Variants in WASF3 observed in about 807,000 individuals in gnomAD.
WASF3 encodes actin-binding protein WASF3.
WASF3 carries 11 observed loss-of-function variants against 46.6 expected under a neutral mutation model. The ratio of observed to expected loss-of-function variants is 0.24; its 90% CI spans 0.15 to 0.39. WASF3 has a LOEUF of 0.39. Among genes scored for constraint, WASF3 ranks in the 10% least tolerant of loss-of-function variants. The pLI, the probability that WASF3 is intolerant of heterozygous loss-of-function variation, is 1.00. For synonymous variants in WASF3, 242 were observed against 259.7 expected, an observed-to-expected ratio of 0.93 and a Z score of 0.65; for missense variants, 576 against 669.8, an observed-to-expected ratio of 0.86 and a Z score of 1.55.
chr13:26,682,986 C>T lies in WASF3; in HGVS notation c.1351+12C>T, dbSNP rs1398953661. 4.4e-6 allele frequency: 7 copies of T among 1,591,150 alleles called. No homozygotes were observed. The African/African-American group carries it at 6.7e-5, about 15-fold the overall frequency. ...TGCTATTCGAATGGGTAAGTGGAGC[C>T]CCCAGACACACAGCCTGCCTTTCAG... On this transcript the variant is annotated intron_variant, in intron 9 of 9. Coordinates refer to ENST00000335327, the MANE Select transcript of WASF3 (RefSeq NM_006646.6). The surrounding 1 kb of genome is among the most constrained non-coding windows in gnomAD (Gnocchi z 4.4).
chr13:26,577,907 G>A (rs1345151107), intron 1 of WASF3, among the ~76,000 whole-genome samples: 1 of 152,078 alleles, frequency 6.6e-6, no homozygotes, highest in African/African-American at 2.4e-5. Flanking sequence ...ACTCCCTTAG[G>A]TTTCCTCTTT....
intron 1 of WASF3, among the ~76,000 whole-genome samples, chr13:26,602,839 C>G (rs1470686942): frequency 6.6e-6 from 1 of 152,112 alleles, no homozygotes; most frequent in Non-Finnish European, 1.5e-5. Flanking sequence ...TGATAATGTA[C>G]AGATTTTCTG....
the WASF3 span, among the ~76,000 whole-genome samples, chr13:26,551,307 C>T: frequency 6.6e-6 from 1 of 152,096 alleles, no homozygotes. Context: ...AGCATGAGAA[C>T]GAACTAATAC....
intron 2 of WASF3, chr13:26,618,765 C>T (rs1224066225): frequency 6.6e-6 from 1 of 152,112 alleles, no homozygotes; most frequent in Non-Finnish European, 1.5e-5. Context: ...GATGGAAATG[C>T]TAGGGTCCAT....
chr13:26,628,595 C>G (rs908400909), intron 2 of WASF3, among the ~76,000 whole-genome samples: 11 of 152,256 alleles, frequency 7.2e-5, no homozygotes, highest in Non-Finnish European at 1.3e-4. Context: ...AGTCTTACCT[C>G]TTCCTGCTGG....
intron 6 of WASF3, 31 bp downstream of exon 6, chr13:26,672,020 A>G (rs1882938365): frequency 2.1e-6 from 3 of 1,433,536 alleles, no homozygotes; most frequent in Non-Finnish European, 2.0e-6. Context: ...AAATGTGCAT[A>G]TCAGTGTTCA....
At chr13:26,571,830 G>A (rs994837660) in intron 1 of WASF3, among the ~76,000 whole-genome samples, 71 of 152,340 alleles carry the variant, frequency 4.7e-4, no homozygotes, top group African/African-American at 1.6e-3. Context: ...ATGAAGTTGT[G>A]ATGTCTTAGC....
intron 5 of WASF3, 54 bp from the exon 6 acceptor site, chr13:26,671,818 A>G: frequency 7.8e-7 from 1 of 1,277,350 alleles, no homozygotes. Flanking sequence ...TAACCTACAT[A>G]TAAAAGTCTC....
At chr13:26,552,884 C>G (rs1879000874), upstream of WASF3, among the ~76,000 whole-genome samples, 1 of 152,142 alleles carries the variant, frequency 6.6e-6, no homozygotes, top group African/African-American at 2.4e-5. Context: ...AAGCAAATCA[C>G]TGAGGGAATA....
intron 2 of WASF3, among the ~76,000 whole-genome samples, chr13:26,627,777 C>T (rs1881514022): frequency 6.6e-6 from 1 of 151,314 alleles, no homozygotes; most frequent in South Asian, 2.1e-4. Flanking sequence ...AATAGATATA[C>T]CTAATGCTAG....
chr13:26,563,341 T>C (rs1047669402), intron 1 of WASF3, among the ~76,000 whole-genome samples: 5 of 152,032 alleles, frequency 3.3e-5, no homozygotes, highest in Non-Finnish European at 7.4e-5. Context: ...CCGCCCCCGA[T>C]GTCATAGATG....
intron 1 of WASF3, among the ~76,000 whole-genome samples, chr13:26,581,748 T>C (rs1391298273): frequency 1.3e-5 from 2 of 152,200 alleles, no homozygotes; most frequent in African/African-American, 2.4e-5. Flanking sequence ...AGTCTTTCCT[T>C]GACAGTTATT....
intron 3 of WASF3, among the ~76,000 whole-genome samples, chr13:26,653,458 A>G (rs757481801): frequency 4.6e-5 from 7 of 152,130 alleles, no homozygotes; most frequent in African/African-American, 7.2e-5. Context: ...ATCACACTCA[A>G]CGCTTTTGAA....
intron 3 of WASF3, among the ~76,000 whole-genome samples, chr13:26,660,194 GTTTTTTTTTTTTTTTTTTTTTT>G (rs71080285): frequency 1.2e-4 from 5 of 43,376 alleles, no homozygotes; most frequent in East Asian, 1.1e-3. Flanking sequence ...TTTTTGTTTG[GTTTTTTTTTTTTTTTTTTTTTT>G]TTTTTTTTTT....
chr13:26,647,830 A>G (rs910180873), intron 3 of WASF3, among the ~76,000 whole-genome samples: 2 of 152,100 alleles, frequency 1.3e-5, no homozygotes, highest in Non-Finnish European at 2.9e-5. Flanking sequence ...GCATAGAAAC[A>G]CACAAAAGAG....
Position 26,559,788 on chromosome 13 carries a change from T to TTTTCTTTTCTTTTCTTTC in WASF3, c.-109+1976_-109+1977insTCTTTTCTTTCTTTCTTT, listed in dbSNP as rs1555246391. 2.9e-4 allele frequency among the ~76,000 whole-genome samples: 23 copies of TTTTCTTTTCTTTTCTTTC among 80,526 alleles called. 1 individual carries two copies. The highest frequency in any genetic ancestry group is 1.1e-3 in the African/African-American group (22 of 20,300). 52.8% of individuals were successfully genotyped at this position (80,526 alleles called of 152,430 possible). On this transcript the variant is annotated intron_variant, in intron 1 of 9. Transcript: ENST00000335327. Reference sequence around the variant, plus strand: ...AGACCTTGAATCTCTTTTTCTTTTCTTTTCTTTCTTTCTTTCTTTCTTTTT... The same window carrying TTTTCTTTTCTTTTCTTTC: ...AGACCTTGAATCTCTTTTTCTTTTCTTTTCTTTTCTTTTCTTTCTTTCTTTCTTTCTTTCTTTCTTTTT...
intron 3 of WASF3, among the ~76,000 whole-genome samples, chr13:26,648,010 T>C (rs989828829): frequency 3.0e-4 from 46 of 152,342 alleles, no homozygotes; most frequent in African/African-American, 1.1e-3. Context: ...ATTATATTGA[T>C]ACACCATAAT....
rs534002756 is a variant in WASF3 at position 26,573,315 on chromosome 13, C to A, written c.-109+15496C>A. On this transcript the variant is annotated intron_variant, in intron 1 of 9. Coordinates refer to ENST00000335327, the MANE Select transcript of WASF3 (RefSeq NM_006646.6). ...ATATTTTATCTTTTTTGTATTTGTG[C>A]ATTTGCTCATTTTTCCTTGATAAAC... Among the ~76,000 whole-genome samples, 321 of 152,090 alleles carry A rather than the reference C, an allele frequency of 2.1e-3. 2 individuals carry two copies. The highest frequency in any genetic ancestry group is 7.5e-3 in the African/African-American group (311 of 41,512).
intron 6 of WASF3, among the ~76,000 whole-genome samples, chr13:26,675,904 T>G (rs1186777493): frequency 6.6e-6 from 1 of 152,112 alleles, no homozygotes; most frequent in Non-Finnish European, 1.5e-5. Flanking sequence ...CAGGAAAAAC[T>G]TAGAGGCACA....
Sources: allele counts gnomAD v4.1 joint callset (sites outside exome capture counted in the v4.1 genomes callset), GRCh38; gene constraint gnomAD v4.1.1; non-coding constraint Gnocchi (gnomAD v3.1); transcripts MANE v1.5; gene names NCBI Gene and HGNC (gene_info 2026-07-23, HGNC 2026-07-21).